TSPAN5: variants seen among roughly 807,000 people sequenced by gnomAD.
TSPAN5 encodes the protein tetraspanin 5, also known as tetraspanin-5.
TSPAN5 carries 10 observed loss-of-function variants against 37.1 expected under a neutral mutation model. That is an observed-to-expected ratio of 0.27 (90% confidence interval 0.17 to 0.46). The LOEUF is 0.46. Ranked by LOEUF, TSPAN5 falls within the 20% of genes least tolerant of loss-of-function variation. The pLI is 1.00. For synonymous variants in TSPAN5, 110 were observed against 118.9 expected (o/e 0.93, Z 0.48); for missense variants, 195 against 326.6 (o/e 0.60, Z 3.11).
At chr4:98,612,760 C>A in intron 1 of TSPAN5, among the ~76,000 whole-genome samples, 1 of 152,170 alleles carries the variant, frequency 6.6e-6, no homozygotes, top group South Asian at 2.1e-4. Context: ...TCAAACCCAC[C>A]AAGCCCTCTC....
At chr4:98,501,187 T>C (rs1366738747) in intron 2 of TSPAN5, among the ~76,000 whole-genome samples, 8 of 152,214 alleles carry the variant, frequency 5.3e-5, no homozygotes, top group Non-Finnish European at 1.2e-4. Flanking sequence ...TTTTCTGATA[T>C]AGACAATATA....
intron 1 of TSPAN5, among the ~76,000 whole-genome samples, chr4:98,545,732 A>G (rs1432294746): frequency 6.6e-6 from 1 of 152,112 alleles, no homozygotes; most frequent in Non-Finnish European, 1.5e-5. Flanking sequence ...GGGTTTCACC[A>G]TGTTGCCTAG....
intron 2 of TSPAN5, among the ~76,000 whole-genome samples, chr4:98,505,086 G>A (rs1050119213): frequency 2.6e-5 from 4 of 151,726 alleles, no homozygotes; most frequent in African/African-American, 9.7e-5. Flanking sequence ...TTACCTCCCC[G>A]CCAAAGCTTC....
At chr4:98,522,729 C>T (rs1753882138) in intron 1 of TSPAN5, among the ~76,000 whole-genome samples, 1 of 152,210 alleles carries the variant, frequency 6.6e-6, no homozygotes, top group African/African-American at 2.4e-5. Context: ...GTTCTATACA[C>T]TGAGGCATCT....
intron 1 of TSPAN5, among the ~76,000 whole-genome samples, chr4:98,526,646 T>C (rs1753970588): frequency 6.7e-6 from 1 of 149,960 alleles, no homozygotes; most frequent in African/African-American, 2.5e-5. Flanking sequence ...AAAAAATAAG[T>C]TCAGAGAAGG....
chr4:98,638,460 A>T (rs1200642176), intron 1 of TSPAN5, among the ~76,000 whole-genome samples: 1 of 152,196 alleles, frequency 6.6e-6, no homozygotes, highest in Non-Finnish European at 1.5e-5. Flanking sequence ...CCTAAACAAG[A>T]CACATCTGAA....
chr4:98,502,351 C>CA (rs1753372283), intron 2 of TSPAN5, among the ~76,000 whole-genome samples: 1 of 152,150 alleles, frequency 6.6e-6, no homozygotes, highest in Admixed American at 6.5e-5. Context: ...AGTCAAAGCT[C>CA]AGACTGAGCC....
At chr4:98,611,565 A>C (rs937739154) in intron 1 of TSPAN5, among the ~76,000 whole-genome samples, 1 of 152,236 alleles carries the variant, frequency 6.6e-6, no homozygotes, top group Non-Finnish European at 1.5e-5. Flanking sequence ...GATGCTTACC[A>C]ACATGAACTG....
At chr4:98,654,932 C>T (rs1411927980) in intron 1 of TSPAN5, among the ~76,000 whole-genome samples, 1 of 152,136 alleles carries the variant, frequency 6.6e-6, no homozygotes, top group Non-Finnish European at 1.5e-5. Context: ...CTGCAATCTC[C>T]ACCTCCCGGG....
At chr4:98,564,919 G>A (rs947088933) in intron 1 of TSPAN5, among the ~76,000 whole-genome samples, 19 of 152,124 alleles carry the variant, frequency 1.2e-4, no homozygotes, top group Admixed American at 7.9e-4. Flanking sequence ...AAAAGAGACA[G>A]GATATCACCA....
At chr4:98,558,539 C>T (rs1332374792) in intron 1 of TSPAN5, among the ~76,000 whole-genome samples, 3 of 152,172 alleles carry the variant, frequency 2.0e-5, no homozygotes, top group Non-Finnish European at 4.4e-5. Context: ...AATGTGGTGG[C>T]ACTTGAAGAG....
At chr4:98,508,469 T>C (rs1455535790) in intron 1 of TSPAN5, among the ~76,000 whole-genome samples, 35 of 151,942 alleles carry the variant, frequency 2.3e-4, no homozygotes, top group Non-Finnish European at 1.5e-5. Flanking sequence ...ACTGGGGGAA[T>C]GCCAGGAGAG....
At position 98,523,487 on chromosome 4, in the gene TSPAN5, T is replaced by G. The variant is rs1398735296; in HGVS notation, c.82-15759A>C. The stretch of plus-strand genomic sequence containing the variant: ...TCTCCGTCTGTTGCCCAGGCTGGAG[T>G]GCAGAGGCGCGTGCTCGGCTCACTG... On this transcript the variant is annotated intron_variant, in intron 1 of 7. Coordinates refer to ENST00000305798, the MANE Select transcript of TSPAN5 (RefSeq NM_005723.4). Among the ~76,000 whole-genome samples the G allele has an allele frequency of 2.0e-5, 3 of 152,242 alleles. No homozygotes were observed. In the East Asian group the frequency reaches 5.8e-4, roughly 29 times the overall value.
chr4:98,616,169 T>TGCATTCCCCA (rs922666961), intron 1 of TSPAN5, among the ~76,000 whole-genome samples: 1 of 151,970 alleles, frequency 6.6e-6, no homozygotes, highest in Non-Finnish European at 1.5e-5. Flanking sequence ...TTGCTTCCCT[T>TGCATTCCCCA]GCATTCCCCA....
chr4:98,472,330 G>GT lies in TSPAN5; in HGVS notation c.*191dup. 1 of 486,514 alleles carries GT rather than the reference G, an allele frequency of 2.1e-6. No homozygotes were observed. Among genetic ancestry groups the GT allele is most frequent in the Non-Finnish European group, 3.6e-6 (1 of 277,158 alleles). 30.1% of individuals were successfully genotyped at this position (486,514 alleles called of 1,614,324 possible). A position where few individuals can be genotyped will look rare whatever the true frequency, so the allele number is the denominator to read the frequency against. ...TCACGGCGCAACGACTTTCATACTG[G>GT]TTATTTTTTTTTTTAATTCTGTCAG... is the stretch of plus-strand genomic sequence containing the variant. On this transcript the variant is annotated 3_prime_UTR_variant, in exon 8 of 8. Transcript: ENST00000305798.
chr4:98,530,427 C>T (rs1754055955), intron 1 of TSPAN5, among the ~76,000 whole-genome samples: 1 of 152,178 alleles, frequency 6.6e-6, no homozygotes, highest in African/African-American at 2.4e-5. Flanking sequence ...AGAGGCAACA[C>T]AGCTCTAGAA....
At chr4:98,481,433 G>T (rs1243210976) in intron 4 of TSPAN5, among the ~76,000 whole-genome samples, 1 of 152,144 alleles carries the variant, frequency 6.6e-6, no homozygotes, top group Admixed American at 6.5e-5. Flanking sequence ...AATGCTCAGG[G>T]ATAGGAGAGA....
intron 1 of TSPAN5, among the ~76,000 whole-genome samples, chr4:98,608,540 A>G (rs1339089321): frequency 6.6e-6 from 1 of 152,142 alleles, no homozygotes; most frequent in Admixed American, 6.5e-5. Context: ...CTTCTGTGAC[A>G]ATCCCAACCC....
At chr4:98,516,512 G>A (rs1249956827) in intron 1 of TSPAN5, among the ~76,000 whole-genome samples, 1 of 152,194 alleles carries the variant, frequency 6.6e-6, no homozygotes, top group Non-Finnish European at 1.5e-5. Context: ...CCTATTTTAA[G>A]TAAGCGCCTC....
Sources: allele counts gnomAD v4.1 joint callset (sites outside exome capture counted in the v4.1 genomes callset), GRCh38; gene constraint gnomAD v4.1.1; transcripts MANE v1.5; gene names NCBI Gene and HGNC (gene_info 2026-07-23, HGNC 2026-07-21).